Variants in DENND2B observed in about 807,000 individuals in gnomAD.
DENND2B encodes the protein DENN domain-containing protein 2B.
In DENND2B, 32 loss-of-function variants were observed where a neutral mutation model predicts 116.0. The observed-to-expected ratio is 0.28, with a 90% CI of 0.21 to 0.37. The LOEUF is 0.37. Among genes scored for constraint, DENND2B ranks in the 10% least tolerant of loss-of-function variants. The pLI, the probability that DENND2B is intolerant of heterozygous loss-of-function variation, is 1.00. For missense variants in DENND2B, 1,276 were observed against 1,477.7 expected (o/e 0.86, Z 2.24); for synonymous variants, 588 against 583.9 (o/e 1.01, Z -0.10).
Position 8,718,230 on chromosome 11 carries a change from A to T in DENND2B, c.1478-338T>A. ...GCCAGAGGACAAAGCCAGCAACAAGAGTCTTTCCTTGGCTCCCTTCCCTCT... is the reference window on the plus strand; with the variant it reads ...GCCAGAGGACAAAGCCAGCAACAAGTGTCTTTCCTTGGCTCCCTTCCCTCT... On this transcript the variant is annotated intron_variant, in intron 4 of 19. Transcript: ENST00000313726. 6.6e-6 allele frequency: 6 copies of T among 915,326 alleles called. No individual in the cohort carries two copies. The South Asian group carries it at 8.4e-5, about 13-fold the overall frequency. The allele number at this position is 915,326 out of a possible 1,614,324, so 56.7% of individuals were successfully genotyped here.
At chr11:8,825,664 A>C (rs2061950102) in intron 4 of DENND2B, among the ~76,000 whole-genome samples, 3 of 152,100 alleles carry the variant, frequency 2.0e-5, no homozygotes. Flanking sequence ...AATCAGAGAG[A>C]AAAGCCTCCA....
intron 1 of DENND2B, among the ~76,000 whole-genome samples, chr11:8,779,582 G>A (rs1334804629): frequency 3.4e-5 from 5 of 147,972 alleles, no homozygotes; most frequent in African/African-American, 1.0e-4. Context: ...GTGGAATCTC[G>A]GCTCACCACA....
intron 3 of DENND2B, among the ~76,000 whole-genome samples, chr11:8,849,177 G>A (rs1225373464): frequency 1.3e-5 from 2 of 152,062 alleles, no homozygotes; most frequent in African/African-American, 4.8e-5. Flanking sequence ...TCACTGCTAA[G>A]CACTAGGGAT....
At chr11:8,698,542 G>A (rs1042395511) in intron 16 of DENND2B, among the ~76,000 whole-genome samples, 2 of 152,170 alleles carry the variant, frequency 1.3e-5, no homozygotes, top group African/African-American at 4.8e-5. Context: ...AAACCTGTAC[G>A]TTACATAACA....
chr11:8,765,219 C>T (rs1257891588), intron 1 of DENND2B, among the ~76,000 whole-genome samples: 3 of 152,174 alleles, frequency 2.0e-5, no homozygotes, highest in African/African-American at 7.2e-5. Context: ...GTCTGTCCAT[C>T]CACCTGCCCA....
chr11:8,721,793 G>A (rs903061431), intron 4 of DENND2B, among the ~76,000 whole-genome samples: 2 of 152,238 alleles, frequency 1.3e-5, no homozygotes, highest in African/African-American at 2.4e-5. Flanking sequence ...GCAAATAAGG[G>A]AAGCAACCAG....
chr11:8,707,261 G>A lies in DENND2B; in HGVS notation c.2431-36C>T, dbSNP rs1308796208. ...CGCCAGCAGCCCAAAGAGGAAGGGTGTCAGGGCACTGCCCTTCCCCCTCCT... is the reference window on the plus strand; with the variant it reads ...CGCCAGCAGCCCAAAGAGGAAGGGTATCAGGGCACTGCCCTTCCCCCTCCT... On this transcript the variant is annotated intron_variant, in intron 12 of 19. Transcript: ENST00000313726. The surrounding 1 kb of genome is among the most constrained non-coding windows in gnomAD (Gnocchi z 4.8). 6.3e-7 allele frequency: 1 copy of A among 1,593,148 alleles called. No individual in the cohort carries two copies. The highest frequency in any genetic ancestry group is 1.7e-5 in the Admixed American group (1 of 59,048).
Position 8,696,628 on chromosome 11 carries a change from T to C in DENND2B, c.3091A>G (p.Ile1031Val). The C allele has an allele frequency of 6.2e-7, 1 of 1,614,162 alleles. No individual in the cohort carries two copies. Among genetic ancestry groups the C allele is most frequent in the Non-Finnish European group, 8.5e-7 (1 of 1,180,030 alleles). ...CCAACGGTCTCCACAAAGAACCGGATAAACACCTCCGACACCAGCCCATTG... is the reference window on the plus strand; with the variant it reads ...CCAACGGTCTCCACAAAGAACCGGACAAACACCTCCGACACCAGCCCATTG... ...TLNGLVSEVF[I>V]RFFVETVGHY... The change falls in exon 18 of 20, where the codon ATC becomes GTC. Residue 1031 changes from isoleucine to valine, a missense_variant. Around this residue, in one of 2 missense-constraint regions of DENND2B, gnomAD observed 420 missense variants for 631.1 expected, o/e 0.67. Transcript: ENST00000313726.
At chr11:8,885,694 G>A (rs2063952833) in intron 1 of DENND2B, among the ~76,000 whole-genome samples, 1 of 152,058 alleles carries the variant, frequency 6.6e-6, no homozygotes, top group African/African-American at 2.4e-5. Flanking sequence ...TAATGTCTAT[G>A]CCACTTAACT....
intron 11 of DENND2B, chr11:8,708,402 C>G (rs377386772): frequency 1.1e-6 from 1 of 912,248 alleles, no homozygotes. Flanking sequence ...TACCTGACTC[C>G]TGGGCTTGGG....
At chr11:8,823,903 C>CTTTTTT (rs71059183) in intron 4 of DENND2B, among the ~76,000 whole-genome samples, 1 of 123,078 alleles carries the variant, frequency 8.1e-6, no homozygotes, top group African/African-American at 2.9e-5. Flanking sequence ...TCTTCTTCTT[C>CTTTTTT]TTTTTTTTTT....
chr11:8,882,775 C>G (rs1223153000), intron 1 of DENND2B, among the ~76,000 whole-genome samples: 2 of 152,096 alleles, frequency 1.3e-5, no homozygotes, highest in Admixed American at 1.3e-4. Flanking sequence ...ACTGCTTGAG[C>G]CCAGCAGTTG....
chr11:8,908,008 A>G (rs2064261102), intron 1 of DENND2B, among the ~76,000 whole-genome samples: 1 of 152,218 alleles, frequency 6.6e-6, no homozygotes, highest in African/African-American at 2.4e-5. Context: ...CCACCTCTTT[A>G]TGTGGGCTAA....
chr11:8,882,267 G>C (rs936372974), intron 1 of DENND2B, among the ~76,000 whole-genome samples: 4 of 152,112 alleles, frequency 2.6e-5, no homozygotes, highest in African/African-American at 9.7e-5. Context: ...AAAATATTAT[G>C]AAAGGTAACA....
At chr11:8,808,285 A>G (rs1307092174) in intron 1 of DENND2B, 1 of 152,210 alleles carries the variant, frequency 6.6e-6, no homozygotes, top group Non-Finnish European at 1.5e-5. Flanking sequence ...AGGATGAGGG[A>G]ACCAGGCCTG....
intron 1 of DENND2B, among the ~76,000 whole-genome samples, chr11:8,754,090 GAAA>G (rs1390775498): frequency 3.4e-5 from 5 of 148,344 alleles, no homozygotes; most frequent in Non-Finnish European, 7.4e-5. Flanking sequence ...CTATGTCAAA[GAAA>G]AGAACTTTTG....
chr11:8,700,533 C>T (rs1031950271), intron 14 of DENND2B, among the ~76,000 whole-genome samples: 1 of 152,196 alleles, frequency 6.6e-6, no homozygotes, highest in Non-Finnish European at 1.5e-5. Flanking sequence ...CTCTCAACTG[C>T]TTCCTCATAC....
Position 8,809,226 on chromosome 11 carries a change from T to C in DENND2B, c.-26+1291A>G, listed in dbSNP as rs531979187. On this transcript the variant is annotated intron_variant, in intron 1 of 19. Coordinates refer to ENST00000313726, the MANE Select transcript of DENND2B (RefSeq NM_213618.2). ...TCAGGCCACAACCACGATGTATACA[T>C]GTACTCATTTTAGGGAGCCGGAACT... is the stretch of plus-strand genomic sequence containing the variant. The C allele has an allele frequency of 5.3e-5, 8 of 152,358 alleles. No individual in the cohort carries two copies. The East Asian group carries it at 1.5e-3, about 29-fold the overall frequency. 9.4% of individuals were successfully genotyped at this position (152,358 alleles called of 1,614,324 possible). A position where few individuals can be genotyped will look rare whatever the true frequency, so the allele number is the denominator to read the frequency against.
At chr11:8,844,236 C>T (rs369075487) in intron 3 of DENND2B, among the ~76,000 whole-genome samples, 3 of 151,470 alleles carry the variant, frequency 2.0e-5, no homozygotes, top group African/African-American at 7.3e-5. Context: ...CTCAGCTCCA[C>T]AAAAAAATCG....
Sources: allele counts gnomAD v4.1 joint callset (sites outside exome capture counted in the v4.1 genomes callset), GRCh38; gene constraint gnomAD v4.1.1; regional missense constraint gnomAD v4.1.1; non-coding constraint Gnocchi (gnomAD v3.1); transcripts MANE v1.5; gene names NCBI Gene and HGNC (gene_info 2026-07-23, HGNC 2026-07-21).